Variants in ZNF407 observed in about 807,000 individuals in gnomAD.
ZNF407 encodes the protein zinc finger protein 407.
A neutral mutation model predicts 131.2 loss-of-function variants in ZNF407; 17 were observed. The observed-to-expected ratio is 0.13, with a 90% confidence interval of 0.09 to 0.19. ZNF407 has a LOEUF of 0.19. ZNF407 is among the 10% of genes least tolerant of loss of function. ZNF407 has a pLI of 1.00. For missense variants in ZNF407, 2,681 were observed against 2,830.6 expected, an observed-to-expected ratio of 0.95 and a Z score of 1.20; for synonymous variants, 1,156 against 1,062.0, an observed-to-expected ratio of 1.09 and a Z score of -1.72.
chr18:74,617,260 C>T (rs900188343), intron 1 of ZNF407, among the ~76,000 whole-genome samples: 1 of 151,726 alleles, frequency 6.6e-6, no homozygotes, highest in Non-Finnish European at 1.5e-5. Flanking sequence ...CCCATAAACA[C>T]TCAGTCTGTA....
chr18:75,063,851 C>T lies in ZNF407; in HGVS notation c.6130C>T (p.Pro2044Ser), dbSNP rs371923038. 2 of 1,610,172 alleles carry T rather than the reference C, an allele frequency of 1.2e-6. No homozygotes were observed. The highest frequency in any genetic ancestry group is 1.7e-6 in the Non-Finnish European group (2 of 1,179,172). Reference protein sequence around the residue: ...DPEAPEIQMFPQAQESPAAVE... With the variant: ...DPEAPEIQMFSQAQESPAAVE... ...CGAGGCCCCCGAGATCCAGATGTTC[C>T]CACAGGCCCAGGAGAGCCCGGCCGC... The change falls in exon 9 of 9, where the codon CCA (proline) becomes TCA (serine). Residue 2044 changes from proline (P) to serine (S), a missense_variant. Transcript: ENST00000299687. The surrounding 1 kb of genome is among the most constrained non-coding windows in gnomAD (Gnocchi z 6.6).
chr18:74,630,311 C>T (rs927294510), intron 1 of ZNF407, among the ~76,000 whole-genome samples: 1 of 151,906 alleles, frequency 6.6e-6, no homozygotes, highest in Non-Finnish European at 1.5e-5. Context: ...GCTGGGACTA[C>T]AGGCGCCTGC....
intron 4 of ZNF407, among the ~76,000 whole-genome samples, chr18:74,814,856 C>T (rs1970245820): frequency 1.3e-5 from 2 of 151,654 alleles, no homozygotes; most frequent in South Asian, 4.2e-4. Flanking sequence ...TTTTCATTTA[C>T]CCTTAATGAA....
chr18:74,900,626 A>G (rs964559623), intron 7 of ZNF407, among the ~76,000 whole-genome samples: 1 of 152,160 alleles, frequency 6.6e-6, no homozygotes, highest in Non-Finnish European at 1.5e-5. Flanking sequence ...ATTTTAAACA[A>G]TTTTTGCTAA....
chr18:74,843,331 T>G (rs1343866075), intron 4 of ZNF407, among the ~76,000 whole-genome samples: 1 of 152,188 alleles, frequency 6.6e-6, no homozygotes, highest in Non-Finnish European at 1.5e-5. Flanking sequence ...TCGTTTATAT[T>G]TATTCAGTCA....
In ZNF407 at chr18:74,905,118, G is replaced by A. The variant is rs558832748; in HGVS notation, c.5249+15080G>A. Among the ~76,000 whole-genome samples, 38 of 152,244 alleles carry A rather than the reference G, an allele frequency of 2.5e-4. 1 individual carries two copies. Among genetic ancestry groups the A allele is most frequent in the African/African-American group, 8.9e-4 (37 of 41,538 alleles). On this transcript the variant is annotated intron_variant, in intron 7 of 8. Transcript: ENST00000299687. ...TTGTAAAATCATATCCTCGTTGAGG[G>A]CATGACCACAGTGATTTGTTTTTAG...
chr18:74,600,097 G>A (rs1344029477), intron 1 of ZNF407, among the ~76,000 whole-genome samples: 1 of 152,196 alleles, frequency 6.6e-6, no homozygotes, highest in Non-Finnish European at 1.5e-5. Flanking sequence ...AATGCGCATT[G>A]GCAGTGCAGT....
At chr18:74,894,342 A>G in intron 7 of ZNF407, among the ~76,000 whole-genome samples, 1 of 152,036 alleles carries the variant, frequency 6.6e-6, no homozygotes, top group East Asian at 1.9e-4. Context: ...CAAATTCTTT[A>G]GATTTGTTTC....
chr18:74,829,629 ATAATTT>A (rs1222526782), intron 4 of ZNF407, among the ~76,000 whole-genome samples: 1 of 152,202 alleles, frequency 6.6e-6, no homozygotes, highest in Non-Finnish European at 1.5e-5. Flanking sequence ...CAGGAATTAA[ATAATTT>A]TAAAGAATGA....
intron 4 of ZNF407, among the ~76,000 whole-genome samples, chr18:74,828,929 T>A (rs1430820181): frequency 1.3e-5 from 2 of 152,174 alleles, no homozygotes; most frequent in African/African-American, 4.8e-5. Flanking sequence ...GGGCTAACCG[T>A]CCTCCTCTAC....
intron 3 of ZNF407, among the ~76,000 whole-genome samples, chr18:74,709,720 C>T (rs1036365972): frequency 2.6e-5 from 4 of 152,206 alleles, no homozygotes; most frequent in African/African-American, 7.2e-5. Context: ...ATTACTGTAT[C>T]TGTGCTATGC....
At chr18:74,838,417 T>A (rs1429872902) in intron 4 of ZNF407, among the ~76,000 whole-genome samples, 1 of 152,202 alleles carries the variant, frequency 6.6e-6, no homozygotes, top group Non-Finnish European at 1.5e-5. Context: ...CCTGTGAAGC[T>A]TTTACTCTGC....
chr18:75,048,821 T>G lies in ZNF407; in HGVS notation c.5429-14329T>G, dbSNP rs1973464163. ...GTGAACAGTTATGATTCCTAAAAAC[T>G]GAAAAAATTAAATTGGAGGGTGGGA... is the stretch of plus-strand genomic sequence containing the variant. On this transcript the variant is annotated intron_variant, in intron 8 of 8. Coordinates refer to ENST00000299687, the MANE Select transcript of ZNF407 (RefSeq NM_017757.3). This position sits in a 1 kb window ranked among gnomAD's most constrained non-coding sequence, Gnocchi z 4.1. Among the ~76,000 whole-genome samples the G allele has an allele frequency of 6.6e-6, 1 of 152,156 alleles. No individual in the cohort carries two copies. The highest frequency in any genetic ancestry group is 2.4e-5 in the African/African-American group (1 of 41,430).
chr18:74,634,778 G>A lies in ZNF407; in HGVS notation c.3759G>A (p.Thr1253=), dbSNP rs375007629. 32 of 1,613,914 alleles carry A rather than the reference G, an allele frequency of 2.0e-5. No homozygotes were observed. Among genetic ancestry groups the A allele is most frequent in the East Asian group, 1.3e-4 (6 of 44,898 alleles). ...VVPHRHLCPV[T]LDGERSAESP... is the part of the protein sequence containing the mutation. ...CCCACAGACACCTGTGCCCTGTGAC[G>A]CTCGATGGGGAGCGCTCGGCTGAAA... is the stretch of plus-strand genomic sequence containing the variant. Residue 1253 remains threonine (T), a synonymous_variant, in exon 2 of 9, where the codon ACG becomes ACA. Coordinates refer to ENST00000299687, the MANE Select transcript of ZNF407 (RefSeq NM_017757.3).
intron 7 of ZNF407, among the ~76,000 whole-genome samples, chr18:74,896,562 T>A (rs1237180445): frequency 6.6e-6 from 1 of 152,146 alleles, no homozygotes; most frequent in Non-Finnish European, 1.5e-5. Context: ...CCTTCCTGCT[T>A]GTCACCTGCA....
chr18:74,982,965 T>G (rs879582755), intron 8 of ZNF407, among the ~76,000 whole-genome samples: 1 of 152,132 alleles, frequency 6.6e-6, no homozygotes, highest in African/African-American at 2.4e-5. Context: ...GAAAAAAAAT[T>G]TTTTTCCTTT....
intron 3 of ZNF407, among the ~76,000 whole-genome samples, chr18:74,657,819 C>A (rs972304788): frequency 6.6e-6 from 1 of 152,138 alleles, no homozygotes; most frequent in South Asian, 2.1e-4. Flanking sequence ...GAGGGGGAGT[C>A]AGGGAGTGTC....
intron 3 of ZNF407, among the ~76,000 whole-genome samples, chr18:74,742,757 A>C (rs1968579701): frequency 6.6e-6 from 1 of 152,290 alleles, no homozygotes; most frequent in Admixed American, 6.5e-5. Flanking sequence ...GCAGTGATGC[A>C]TCATTCCTGT....
At chr18:74,797,937 C>T (rs971998448) in intron 4 of ZNF407, among the ~76,000 whole-genome samples, 2 of 151,612 alleles carry the variant, frequency 1.3e-5, no homozygotes, top group African/African-American at 2.4e-5. Context: ...TCCATTTTAG[C>T]GCATCCGTAA....
Sources: gnomAD v4.1 joint callset for allele counts (sites outside exome capture counted in the v4.1 genomes callset) on GRCh38, gnomAD v4.1.1 for gene constraint, Gnocchi (gnomAD v3.1) non-coding constraint, MANE v1.5 for transcripts, NCBI Gene and HGNC (gene_info 2026-07-23, HGNC 2026-07-21) for gene names.